NUP107: variants seen among roughly 807,000 people sequenced by gnomAD.
NUP107 encodes nuclear pore complex protein Nup107.
Under a neutral mutation model 141.0 loss-of-function variants are expected in NUP107, and 101 were observed. The observed-to-expected ratio is 0.72, with a 90% CI of 0.61 to 0.84. The LOEUF (loss-of-function observed/expected upper bound fraction) is 0.84. Ranked by LOEUF, NUP107 falls within the 40% of genes least tolerant of loss-of-function variation. NUP107 has a pLI of 0.00. For synonymous variants in NUP107, 319 were observed against 363.9 expected (o/e 0.88, Z 1.41); for missense variants, 941 against 1,102.7 (o/e 0.85, Z 2.08).
intron 10 of NUP107, among the ~76,000 whole-genome samples, chr12:68,713,324 A>G (rs1247306892): frequency 1.3e-5 from 2 of 149,712 alleles, no homozygotes; most frequent in African/African-American, 2.5e-5. Flanking sequence ...GCAGTGAGTC[A>G]TGATTGTGCC....
At position 68,689,611 on chromosome 12, in the gene NUP107, G is replaced by A. The variant is rs1172833759; in HGVS notation, c.179G>A (p.Arg60Gln). ...QVIPRTPSSF[R>Q]QPFTPTSRSL... Reference sequence around the variant, plus strand: ...ATCCCTCGAACTCCTAGCTCATTTCGACAGCCTTGTAAGATTTTTTGCTTT... The same window carrying A: ...ATCCCTCGAACTCCTAGCTCATTTCAACAGCCTTGTAAGATTTTTTGCTTT... The change falls in exon 3 of 28, where the codon CGA becomes CAA. Residue 60 changes from arginine to glutamine, a missense_variant. Transcript: ENST00000229179. 2.0e-5 allele frequency: 32 copies of A among 1,605,548 alleles called. No individual in the cohort carries two copies. The highest frequency in any genetic ancestry group is 2.4e-5 in the Non-Finnish European group (28 of 1,176,108).
rs1875811297 is a variant in NUP107, at chr12:68,691,955, G to GC, written c.304-13_304-12insC. On this transcript the variant is annotated splice_polypyrimidine_tract_variant and intron_variant, in intron 4 of 27. Transcript: ENST00000229179. ...CACTTTTCTGTATTTTTACTTTTTT[G>GC]TTTTTTTTTAAGGTTACTAATCTGG... The GC allele has an allele frequency of 1.3e-6, 2 of 1,501,996 alleles. No individual in the cohort carries two copies. The highest frequency in any genetic ancestry group is 2.1e-5 in the Admixed American group (1 of 46,858). The allele number at this position is 1,501,996 out of a possible 1,614,324, so 93.0% of individuals were successfully genotyped here.
intron 26 of NUP107, 38 bp downstream of exon 26, chr12:68,735,382 C>A: frequency 7.3e-7 from 1 of 1,365,964 alleles, no homozygotes; most frequent in Non-Finnish European, 1.0e-6. Flanking sequence ...AAAACCAAAA[C>A]ACTCACCATG....
chr12:68,707,077 C>T (rs943179042), intron 8 of NUP107: 45 of 568,826 alleles, frequency 7.9e-5, no homozygotes, highest in African/African-American at 7.6e-4. Flanking sequence ...AGTGAACAGC[C>T]GTGACAGCCC....
intron 20 of NUP107, among the ~76,000 whole-genome samples, chr12:68,727,695 T>A (rs1161129865): frequency 6.6e-6 from 1 of 152,170 alleles, no homozygotes; most frequent in Non-Finnish European, 1.5e-5. Context: ...ATATTACATG[T>A]ATCATATGCA....
intron 3 of NUP107, chr12:68,689,962 C>T (rs1015404484): frequency 3.3e-5 from 6 of 179,168 alleles, no homozygotes; most frequent in African/African-American, 1.4e-4. Flanking sequence ...GGGTGGATCA[C>T]TTAAGGCCAG....
At chr12:68,738,091 A>G (rs1878152316) in intron 26 of NUP107, among the ~76,000 whole-genome samples, 1 of 152,160 alleles carries the variant, frequency 6.6e-6, no homozygotes, top group South Asian at 2.1e-4. Flanking sequence ...CCTGGCCAAT[A>G]TGGTGAAACC....
chr12:68,739,555 T>C (rs1288210911), intron 26 of NUP107, among the ~76,000 whole-genome samples: 1 of 152,102 alleles, frequency 6.6e-6, no homozygotes, highest in African/African-American at 2.4e-5. Context: ...AGGCACTACA[T>C]GGGGGGGCGC....
At chr12:68,710,395 C>T (rs756664348) in intron 10 of NUP107, among the ~76,000 whole-genome samples, 1 of 152,078 alleles carries the variant, frequency 6.6e-6, no homozygotes, top group Non-Finnish European at 1.5e-5. Context: ...TGATGGCTCA[C>T]GCCTGTAATC....
intron 15 of NUP107, 68 bp from the exon 16 acceptor site, chr12:68,721,773 T>A: frequency 7.0e-7 from 1 of 1,420,462 alleles, no homozygotes; most frequent in South Asian, 1.3e-5. Context: ...TATCATTGGA[T>A]GTAATTGCTT....
intron 9 of NUP107, 102 bp from the exon 10 acceptor site, chr12:68,709,903 A>G: frequency 1.5e-6 from 1 of 685,764 alleles, no homozygotes; most frequent in East Asian, 2.9e-5. Flanking sequence ...AAAAAAATAA[A>G]AAATCTGAAA....
intron 26 of NUP107, among the ~76,000 whole-genome samples, chr12:68,736,488 C>G (rs1295721856): frequency 6.6e-6 from 1 of 152,086 alleles, no homozygotes; most frequent in Non-Finnish European, 1.5e-5. Flanking sequence ...TTCATCATAG[C>G]TCACTGCAGC....
chr12:68,738,320 C>T (rs779325796), intron 26 of NUP107, among the ~76,000 whole-genome samples: 10 of 150,518 alleles, frequency 6.6e-5, no homozygotes, highest in South Asian at 2.1e-4. Context: ...TGTGGTGGCT[C>T]GCGCCTGTAA....
At chr12:68,692,224 C>CT in intron 5 of NUP107, 112 bp downstream of exon 5, 4 of 1,153,888 alleles carry the variant, frequency 3.5e-6, no homozygotes, top group Admixed American at 2.7e-5. Flanking sequence ...TTCTTTCTGT[C>CT]TTTTTTTCTT....
chr12:68,715,298 A>C (rs942293722), intron 11 of NUP107, among the ~76,000 whole-genome samples: 7 of 152,202 alleles, frequency 4.6e-5, no homozygotes, highest in African/African-American at 1.7e-4. Context: ...GTTCGAGACC[A>C]ATCTGGTCAA....
At position 68,734,800 on chromosome 12, in the gene NUP107, A is replaced by T. The variant is rs1877995490; in HGVS notation, c.2355A>T (p.Lys785Asn). 1 of 1,613,388 alleles carries T rather than the reference A, an allele frequency of 6.2e-7. No individual in the cohort carries two copies. Residue 785 changes from lysine (K) to asparagine (N), a missense_variant, in exon 25 of 28, where the codon AAA becomes AAT. By Grantham distance (94) the Lys-to-Asn change is moderately conservative. Coordinates refer to ENST00000229179, the MANE Select transcript of NUP107 (RefSeq NM_020401.4). ...TACCTCAACCAACTTTTACTGAGAA[A>T]GTGGCTCATGAACACAAAGAAAAGA... ...ALIPQPTFTE[K>N]VAHEHKEKKY...
chr12:68,719,300 AC>A, intron 12 of NUP107, 40 bp from the exon 13 acceptor site: 1 of 1,459,574 alleles, frequency 6.9e-7, no homozygotes, highest in South Asian at 1.2e-5. Flanking sequence ...ACTATAAAGC[AC>A]CCTGGTTATT....
chr12:68,705,853 A>C, intron 8 of NUP107: 1 of 780,458 alleles, frequency 1.3e-6, no homozygotes, highest in Admixed American at 1.7e-5. Context: ...GAGCCTGCTG[A>C]GCCCCCTTAA....
chr12:68,707,320 G>A (rs538883796), intron 8 of NUP107, among the ~76,000 whole-genome samples: 16 of 152,064 alleles, frequency 1.1e-4, no homozygotes, highest in Admixed American at 4.6e-4. Flanking sequence ...AAAAAAAATG[G>A]TCCAGGTGTG....
Sources: allele counts gnomAD v4.1 joint callset (sites outside exome capture counted in the v4.1 genomes callset), GRCh38; gene constraint gnomAD v4.1.1; transcripts MANE v1.5; gene names NCBI Gene and HGNC (gene_info 2026-07-23, HGNC 2026-07-21).